TMC5: variants seen among roughly 807,000 people sequenced by gnomAD.
TMC5 encodes the protein transmembrane channel like 5, also known as transmembrane channel-like protein 5.
A neutral mutation model predicts 110.5 loss-of-function variants in TMC5; 86 were observed. That is an observed-to-expected ratio of 0.78 (90% CI 0.65 to 0.93). TMC5 has a LOEUF of 0.93. Among genes scored for constraint, TMC5 ranks in the 40% least tolerant of loss-of-function variants. TMC5 has a pLI of 0.00. For missense variants in TMC5, 1,144 were observed against 1,222.8 expected, an observed-to-expected ratio of 0.94 and a Z score of 0.96; for synonymous variants, 455 against 439.5, an observed-to-expected ratio of 1.04 and a Z score of -0.44.
intron 2 of TMC5, among the ~76,000 whole-genome samples, chr16:19,436,057 T>A (rs1386042079): frequency 1.3e-5 from 2 of 151,076 alleles, no homozygotes; most frequent in African/African-American, 4.9e-5. Context: ...AGGTCAGGAG[T>A]TCGAGACCAG....
intron 7 of TMC5, 73 bp downstream of exon 7, chr16:19,463,440 AG>A: frequency 8.0e-7 from 1 of 1,256,812 alleles, no homozygotes; most frequent in Non-Finnish European, 1.2e-6. Context: ...AAGGGGACTC[AG>A]GGGGAAGATG....
chr16:19,456,822 C>A (rs930064412), intron 5 of TMC5: 1 of 1,614,184 alleles, frequency 6.2e-7, no homozygotes, highest in Non-Finnish European at 8.5e-7. Flanking sequence ...CTGCTAGACT[C>A]AAGCATCAAC....
intron 2 of TMC5, among the ~76,000 whole-genome samples, chr16:19,435,341 A>G (rs1967319874): frequency 6.6e-6 from 1 of 151,420 alleles, no homozygotes; most frequent in Admixed American, 6.6e-5. Flanking sequence ...AATACAAAAA[A>G]AAAAAAAAAA....
chr16:19,434,108 T>C (rs867008624), intron 2 of TMC5, among the ~76,000 whole-genome samples: 21 of 2,942 alleles, frequency 7.1e-3, no homozygotes, highest in Admixed American at 0.037. Context: ...ATATATATAT[T>C]ATATATATAT....
upstream of TMC5, among the ~76,000 whole-genome samples, chr16:19,415,905 G>T (rs972619919): frequency 4.0e-4 from 61 of 152,188 alleles, 1 homozygote; most frequent in Non-Finnish European, 8.8e-4. Flanking sequence ...TTGGGGCTGG[G>T]TGCAGTGGCT....
chr16:19,448,662 A>G (rs1030185964), intron 4 of TMC5, among the ~76,000 whole-genome samples: 1 of 138,028 alleles, frequency 7.2e-6, no homozygotes, highest in African/African-American at 2.7e-5. Flanking sequence ...TTTTTATATT[A>G]TATTTTATAT....
At chr16:19,422,024 A>G (rs1235645761) in intron 1 of TMC5, among the ~76,000 whole-genome samples, 1 of 150,772 alleles carries the variant, frequency 6.6e-6, no homozygotes, top group Non-Finnish European at 1.5e-5. Flanking sequence ...AGGTCAGGAG[A>G]TCAAGACCAT....
chr16:19,451,753 C>G (rs1171725766), intron 5 of TMC5, among the ~76,000 whole-genome samples: 1 of 152,006 alleles, frequency 6.6e-6, no homozygotes, highest in East Asian at 1.9e-4. Context: ...GACTATATAC[C>G]TCCTTCAGAC....
chr16:19,472,253 ACCAGGGT>A lies in TMC5; in HGVS notation c.1938+17_1938+23del, dbSNP rs1423105164. 3.7e-6 allele frequency: 6 copies of A among 1,613,198 alleles called. No homozygotes were observed. Among genetic ancestry groups the A allele is most frequent in the Non-Finnish European group, 4.2e-6 (5 of 1,179,750 alleles). On this transcript the variant is annotated intron_variant, in intron 11 of 21. Transcript: ENST00000542583. The stretch of plus-strand genomic sequence containing the variant: ...TGAGTACAACTTAGAGGTAACCAAC[ACCAGGGT>A]CCAGGGCAGAGAGAACCAGGTGAAG...
At chr16:19,473,850 C>T (rs976191022) in intron 11 of TMC5, among the ~76,000 whole-genome samples, 12 of 152,080 alleles carry the variant, frequency 7.9e-5, no homozygotes, top group African/African-American at 2.7e-4. Context: ...TATGTTGGTG[C>T]GTGCCTGTAA....
intron 14 of TMC5, among the ~76,000 whole-genome samples, chr16:19,480,331 A>G (rs547284618): frequency 3.1e-4 from 47 of 152,232 alleles, no homozygotes; most frequent in South Asian, 1.9e-3. Flanking sequence ...CATTTTTTTA[A>G]TAATATGATG....
chr16:19,475,693 G>A (rs1968470232), intron 12 of TMC5, among the ~76,000 whole-genome samples: 1 of 151,824 alleles, frequency 6.6e-6, no homozygotes, highest in Non-Finnish European at 1.5e-5. Flanking sequence ...CTTCTTGACT[G>A]CATTTTGCGT....
chr16:19,411,657 G>A (rs1966856025), intron 1 of TMC5: 1 of 152,178 alleles, frequency 6.6e-6, no homozygotes, highest in Non-Finnish European at 1.5e-5. Context: ...GCTTGCCTAT[G>A]GGGTTGTGAA....
In TMC5 at chr16:19,470,721, T is replaced by TA. The variant is rs60087070; in HGVS notation, c.1782+924dup. Among the ~76,000 whole-genome samples the TA allele has an allele frequency of 4.8e-4, 20 of 41,306 alleles. 1 individual carries two copies. Among genetic ancestry groups the TA allele is most frequent in the African/African-American group, 1.3e-3 (16 of 12,684 alleles). 27.1% of individuals were successfully genotyped at this position (41,306 alleles called of 152,430 possible). On this transcript the variant is annotated intron_variant, in intron 10 of 21. Coordinates refer to ENST00000542583, the MANE Select transcript of TMC5 (RefSeq NM_001261841.2). ...CCCTGGTCTATAGACACAAACTTAT[T>TA]AAAAAAAAAAAAAAAAAAAAAAAAA...
intron 20 of TMC5, among the ~76,000 whole-genome samples, chr16:19,496,156 T>C (rs149020370): frequency 0.071 from 3,554 of 49,826 alleles, 138 homozygotes; most frequent in African/African-American, 0.17. Context: ...AGACTCCGTG[T>C]CAAAAAAAAA....
chr16:19,474,074 A>C (rs1968419861), intron 11 of TMC5, 51 bp from the exon 12 acceptor site: 12 of 1,547,198 alleles, frequency 7.8e-6, no homozygotes, highest in Non-Finnish European at 1.0e-5. Context: ...TGAAGCAGAA[A>C]GGGGTACAGT....
At chr16:19,433,435 A>G (rs1292370454) in intron 2 of TMC5, among the ~76,000 whole-genome samples, 1 of 152,168 alleles carries the variant, frequency 6.6e-6, no homozygotes, top group Non-Finnish European at 1.5e-5. Context: ...CTGCAGCACA[A>G]TGACCTGGAG....
rs866816587 is a variant in TMC5, at chr16:19,430,910, G to A, written c.-80+270G>A. On this transcript the variant is annotated intron_variant, in intron 2 of 21. Coordinates refer to ENST00000542583, the MANE Select transcript of TMC5 (RefSeq NM_001261841.2). ...AATCTCGCTCTGTCGCCAGGCTGGAGTGCAGTGGCACGGTCTCAGCTCACT... is the reference window on the plus strand; with the variant it reads ...AATCTCGCTCTGTCGCCAGGCTGGAATGCAGTGGCACGGTCTCAGCTCACT... 2.3e-4 allele frequency among the ~76,000 whole-genome samples: 34 copies of A among 148,332 alleles called. 1 individual carries two copies. Among genetic ancestry groups the A allele is most frequent in the Middle Eastern group, 3.4e-3 (1 of 290 alleles).
At chr16:19,466,269 C>T in intron 9 of TMC5, 36 bp downstream of exon 9, 1 of 1,607,896 alleles carries the variant, frequency 6.2e-7, no homozygotes, top group Non-Finnish European at 8.5e-7. Flanking sequence ...TTCTGAGGGT[C>T]ATGTTAGATT....
Sources: gnomAD v4.1 joint callset for allele counts (sites outside exome capture counted in the v4.1 genomes callset) on GRCh38, gnomAD v4.1.1 for gene constraint, MANE v1.5 for transcripts, NCBI Gene and HGNC (gene_info 2026-07-23, HGNC 2026-07-21) for gene names.